Variants in HS3ST4 observed in about 807,000 individuals in gnomAD.
HS3ST4 encodes heparan sulfate glucosamine 3-O-sulfotransferase 4.
A neutral mutation model predicts 29.2 loss-of-function variants in HS3ST4; 17 were observed. That is an observed-to-expected ratio of 0.58 (90% CI 0.40 to 0.87). The LOEUF is 0.87. HS3ST4 is among the 40% of genes least tolerant of loss of function. HS3ST4 has a pLI of 0.00. For missense variants in HS3ST4, 627 were observed against 634.5 expected (o/e 0.99, Z 0.13); for synonymous variants, 314 against 285.7 (o/e 1.10, Z -1.00).
intron 1 of HS3ST4, among the ~76,000 whole-genome samples, chr16:25,996,905 G>A (rs1185510380): frequency 6.6e-6 from 1 of 152,000 alleles, no homozygotes; most frequent in Non-Finnish European, 1.5e-5. Flanking sequence ...TGATATCTTG[G>A]TTGGTACTGT....
At chr16:25,875,785 TG>T (rs1330711634) in intron 1 of HS3ST4, among the ~76,000 whole-genome samples, 1 of 152,112 alleles carries the variant, frequency 6.6e-6, no homozygotes, top group Non-Finnish European at 1.5e-5. Flanking sequence ...ATACAGTCTG[TG>T]AAGATTATTG....
intron 1 of HS3ST4, among the ~76,000 whole-genome samples, chr16:25,931,014 T>C (rs1412653187): frequency 7.2e-5 from 11 of 152,194 alleles, no homozygotes; most frequent in Admixed American, 7.2e-4. Flanking sequence ...GCTCAAGTGA[T>C]CTTCTGCTTT....
At chr16:25,841,205 C>T (rs1567252664) in intron 1 of HS3ST4, among the ~76,000 whole-genome samples, 1 of 152,062 alleles carries the variant, frequency 6.6e-6, no homozygotes, top group Admixed American at 6.5e-5. Context: ...CGGGGTTTCA[C>T]TGTGTTAGCC....
chr16:26,067,857 G>A (rs996666346), intron 1 of HS3ST4, among the ~76,000 whole-genome samples: 6 of 152,126 alleles, frequency 3.9e-5, no homozygotes, highest in Admixed American at 3.3e-4. Flanking sequence ...ATAAAGGGCA[G>A]TTCCCCTACA....
intron 1 of HS3ST4, among the ~76,000 whole-genome samples, chr16:25,830,100 C>T (rs1967278082): frequency 6.6e-6 from 1 of 152,178 alleles, no homozygotes; most frequent in African/African-American, 2.4e-5. Flanking sequence ...ACTGAGATTA[C>T]AGGCATGAAC....
In HS3ST4 at chr16:26,048,678, A is replaced by T. The variant is rs148259884; in HGVS notation, c.735-86934A>T. Among the ~76,000 whole-genome samples, 320 of 152,086 alleles carry T rather than the reference A, an allele frequency of 2.1e-3. 2 individuals carry two copies. Among genetic ancestry groups the T allele is most frequent in the African/African-American group, 7.6e-3 (314 of 41,490 alleles). On this transcript the variant is annotated intron_variant, in intron 1 of 1. Coordinates refer to ENST00000331351, the MANE Select transcript of HS3ST4 (RefSeq NM_006040.3). The stretch of plus-strand genomic sequence containing the variant: ...CCCCATCTCTATTAAAAATAATAAT[A>T]AAAAAATAGCCAGGTGTGGTGGTGC...
intron 1 of HS3ST4, among the ~76,000 whole-genome samples, chr16:26,010,808 G>A (rs1251567361): frequency 6.6e-6 from 1 of 152,340 alleles, no homozygotes; most frequent in Middle Eastern, 3.4e-3. Context: ...GAAAATTATT[G>A]CGATAACTTA....
intron 1 of HS3ST4, among the ~76,000 whole-genome samples, chr16:26,107,551 C>T (rs745316834): frequency 6.6e-6 from 1 of 152,128 alleles, no homozygotes; most frequent in Non-Finnish European, 1.5e-5. Flanking sequence ...ACTCACTCAC[C>T]CTCTTTCTGA....
intron 1 of HS3ST4, among the ~76,000 whole-genome samples, chr16:25,813,521 T>C (rs4525492): frequency 0.3 from 45,671 of 151,984 alleles, 7,340 homozygotes; most frequent in African/African-American, 0.39. Context: ...CGCTTGAACC[T>C]GGGAGGCGGA....
intron 1 of HS3ST4, among the ~76,000 whole-genome samples, chr16:25,908,396 T>G (rs1968200577): frequency 6.6e-6 from 1 of 152,304 alleles, no homozygotes; most frequent in Non-Finnish European, 1.5e-5. Flanking sequence ...AGCTGTAGGA[T>G]TCACAGAGTA....
chr16:25,736,205 G>A (rs1357540507), intron 1 of HS3ST4, among the ~76,000 whole-genome samples: 1 of 152,162 alleles, frequency 6.6e-6, no homozygotes, highest in African/African-American at 2.4e-5. Context: ...AAGTTAATTG[G>A]AATGGCATTC....
At chr16:25,754,041 T>A (rs1167800384) in intron 1 of HS3ST4, among the ~76,000 whole-genome samples, 1 of 152,182 alleles carries the variant, frequency 6.6e-6, no homozygotes, top group Non-Finnish European at 1.5e-5. Context: ...ATTATTGACT[T>A]GGTTGTGGTT....
chr16:26,107,984 G>C (rs1899079113), intron 1 of HS3ST4, among the ~76,000 whole-genome samples: 1 of 152,062 alleles, frequency 6.6e-6, no homozygotes, highest in Non-Finnish European at 1.5e-5. Context: ...GGAAAACACT[G>C]TTCTATTTTC....
chr16:26,103,589 G>A (rs975763852), intron 1 of HS3ST4, among the ~76,000 whole-genome samples: 1 of 152,128 alleles, frequency 6.6e-6, no homozygotes, highest in Non-Finnish European at 1.5e-5. Flanking sequence ...CAGAACATTT[G>A]TTTTATTCCT....
At chr16:25,871,144 C>A (rs1453788399) in intron 1 of HS3ST4, among the ~76,000 whole-genome samples, 2 of 152,088 alleles carry the variant, frequency 1.3e-5, no homozygotes, top group Non-Finnish European at 2.9e-5. Context: ...GGAGGAAAGC[C>A]TGTGAAGGAA....
intron 1 of HS3ST4, among the ~76,000 whole-genome samples, chr16:25,866,014 T>C (rs1158149881): frequency 6.6e-6 from 1 of 151,990 alleles, no homozygotes; most frequent in Non-Finnish European, 1.5e-5. Flanking sequence ...GCCAAGAAAA[T>C]AGTCAACAGT....
At chr16:25,862,413 G>A (rs768414594) in intron 1 of HS3ST4, among the ~76,000 whole-genome samples, 46 of 152,106 alleles carry the variant, frequency 3.0e-4, no homozygotes, top group Admixed American at 2.1e-3. Context: ...GGCTGGTCTC[G>A]AACTCTTGAC....
intron 1 of HS3ST4, among the ~76,000 whole-genome samples, chr16:25,938,875 C>T (rs1036520474): frequency 1.3e-5 from 2 of 152,206 alleles, no homozygotes; most frequent in Admixed American, 6.5e-5. Context: ...CTCACCTTTG[C>T]AGTTCACAAG....
chr16:25,704,699 G>A (rs1303379626), intron 1 of HS3ST4, among the ~76,000 whole-genome samples: 1 of 151,978 alleles, frequency 6.6e-6, no homozygotes, highest in African/African-American at 2.4e-5. Flanking sequence ...CCAACATGGT[G>A]AAACCCCGTC....
Sources: allele counts gnomAD v4.1 joint callset (sites outside exome capture counted in the v4.1 genomes callset), GRCh38; gene constraint gnomAD v4.1.1; transcripts MANE v1.5; gene names NCBI Gene and HGNC (gene_info 2026-07-23, HGNC 2026-07-21).